The following RXRA variants were observed in gnomAD, a reference collection of about 807,000 sequenced individuals.
The protein encoded by RXRA is retinoic acid receptor RXR-alpha.
RXRA carries 5 observed loss-of-function variants against 44.5 expected under a neutral mutation model. The observed-to-expected ratio is 0.11, with a 90% CI of 0.06 to 0.24. The LOEUF (loss-of-function observed/expected upper bound fraction) is 0.24. RXRA is among the 10% of genes least tolerant of loss of function. RXRA has a pLI of 1.00. For synonymous variants in RXRA, 291 were observed against 271.4 expected, an observed-to-expected ratio of 1.07 and a Z score of -0.71; for missense variants, 412 against 646.5, an observed-to-expected ratio of 0.64 and a Z score of 3.93.
chr9:134,346,575 AG>A (rs1178413798), intron 1 of RXRA, among the ~76,000 whole-genome samples: 1 of 152,190 alleles, frequency 6.6e-6, no homozygotes. Flanking sequence ...TCTGGGGACT[AG>A]GGGTGCCCAG....
intron 9 of RXRA, among the ~76,000 whole-genome samples, chr9:134,435,489 C>T (rs570893025): frequency 5.9e-5 from 9 of 151,920 alleles, no homozygotes; most frequent in Non-Finnish European, 1.2e-4. Flanking sequence ...CCAGCCTTCT[C>T]TGACCATGCT....
intron 1 of RXRA, among the ~76,000 whole-genome samples, chr9:134,339,151 G>T (rs1303054752): frequency 1.3e-5 from 2 of 152,220 alleles, no homozygotes; most frequent in African/African-American, 4.8e-5. Flanking sequence ...GCCTCCCTGT[G>T]CCCTGTCCGT....
In RXRA at chr9:134,401,894, G is replaced by A. The variant is rs539540151; in HGVS notation, c.279+12G>A. 5.0e-6 allele frequency: 8 copies of A among 1,592,010 alleles called. No individual in the cohort carries two copies. In the East Asian group the frequency reaches 1.6e-4, roughly 31 times the overall value. ...CTGGCAGCCCCCAGGTGAGTGCGGG[G>A]CTGGGGCAAGGGGAGGGGGTGGGGC... is the stretch of plus-strand genomic sequence containing the variant. On this transcript the variant is annotated intron_variant, in intron 2 of 9. Transcript: ENST00000481739.
intron 7 of RXRA, 68 bp downstream of exon 7, chr9:134,429,308 C>T (rs2119203807): frequency 1.3e-6 from 2 of 1,536,172 alleles, no homozygotes; most frequent in Non-Finnish European, 1.8e-6. Flanking sequence ...CTGAGTTCAG[C>T]CACCTTGGCC....
intron 1 of RXRA, among the ~76,000 whole-genome samples, chr9:134,347,111 AG>A (rs1830162313): frequency 8.7e-6 from 1 of 114,904 alleles, no homozygotes. Context: ...GTCCCTGTGG[AG>A]GTGACGGGCA....
At chr9:134,413,598 C>T (rs1831186872) in intron 4 of RXRA, among the ~76,000 whole-genome samples, 1 of 152,182 alleles carries the variant, frequency 6.6e-6, no homozygotes, top group Non-Finnish European at 1.5e-5. Flanking sequence ...CTGGGCTGCA[C>T]AAGGGACGGA....
chr9:134,354,735 G>A (rs1475401064), intron 1 of RXRA, among the ~76,000 whole-genome samples: 3 of 152,254 alleles, frequency 2.0e-5, no homozygotes, highest in Admixed American at 2.0e-4. Context: ...TTCAGAGGCC[G>A]TGTTGTTGCT....
Position 134,440,115 on chromosome 9 carries a change from A to G in RXRA, c.*3501A>G, listed in dbSNP as rs1831707058. 1 of 152,340 alleles carries G rather than the reference A, an allele frequency of 6.6e-6. No individual in the cohort carries two copies. Among genetic ancestry groups the G allele is most frequent in the Non-Finnish European group, 1.5e-5 (1 of 68,034 alleles). 9.4% of individuals were successfully genotyped at this position (152,340 alleles called of 1,614,324 possible). ...GTAAAAAAAAAAAATCTATTTTTGT[A>G]CAAATGTAATTTTATCCCTCATGTA... On this transcript the variant is annotated 3_prime_UTR_variant, in exon 10 of 10. Transcript: ENST00000481739.
Position 134,426,542 on chromosome 9 carries a change from T to C in RXRA, c.911-2566T>C. The C allele has an allele frequency of 1.0e-6, 1 of 985,450 alleles. No individual in the cohort carries two copies. Among genetic ancestry groups the C allele is most frequent in the Non-Finnish European group, 1.2e-6 (1 of 829,932 alleles). The allele number at this position is 985,450 out of a possible 1,614,324, so 61.0% of individuals were successfully genotyped here. The stretch of plus-strand genomic sequence containing the variant: ...GACTCCGCACTGTTCTGTCCGTGTG[T>C]CTGGGCTCCTGACCTGTATCCCGTG... On this transcript the variant is annotated intron_variant, in intron 6 of 9. Transcript: ENST00000481739. This position sits in a 1 kb window ranked among gnomAD's most constrained non-coding sequence, Gnocchi z 4.6.
intron 1 of RXRA, among the ~76,000 whole-genome samples, chr9:134,368,986 T>A (rs1384693060): frequency 1.8e-5 from 2 of 108,786 alleles, no homozygotes; most frequent in Non-Finnish European, 3.5e-5. Flanking sequence ...TATGTGTGTG[T>A]GAGTGCGGGG....
At chr9:134,420,471 C>T (rs996561558) in intron 5 of RXRA, among the ~76,000 whole-genome samples, 11 of 152,316 alleles carry the variant, frequency 7.2e-5, no homozygotes, top group African/African-American at 9.6e-5. Context: ...CCTTCTGGCT[C>T]GGGCCCCCAA....
At chr9:134,419,026 TCTGG>T (rs1383095794) in intron 5 of RXRA, among the ~76,000 whole-genome samples, 1 of 152,154 alleles carries the variant, frequency 6.6e-6, no homozygotes, top group Non-Finnish European at 1.5e-5. Flanking sequence ...AGACCTCTAC[TCTGG>T]CTGGGGGCTG....
chr9:134,381,338 C>G (rs773470049), intron 1 of RXRA, among the ~76,000 whole-genome samples: 1 of 152,100 alleles, frequency 6.6e-6, no homozygotes, highest in Non-Finnish European at 1.5e-5. Context: ...GAGCTCAGAC[C>G]TTAGCTAGTG....
chr9:134,379,567 G>C (rs1830610463), intron 1 of RXRA: 1 of 985,524 alleles, frequency 1.0e-6, no homozygotes, highest in East Asian at 1.1e-4. Flanking sequence ...CTCATGGGGG[G>C]CTTGCTCCAG....
chr9:134,346,271 C>A (rs565549589), intron 1 of RXRA, among the ~76,000 whole-genome samples: 1 of 152,184 alleles, frequency 6.6e-6, no homozygotes. Context: ...CCTGCCCTCC[C>A]GCGGCTTGCT....
At chr9:134,400,531 G>A (rs995399662) in intron 1 of RXRA, among the ~76,000 whole-genome samples, 2 of 152,224 alleles carry the variant, frequency 1.3e-5, no homozygotes, top group African/African-American at 2.4e-5. Flanking sequence ...TAGGGTGGGG[G>A]CAGGCAGGCA....
In RXRA at chr9:134,421,744, C is replaced by A; in HGVS notation, c.849C>A (p.Ala283=). The A allele has an allele frequency of 1.2e-6, 2 of 1,600,358 alleles. No individual in the cohort carries two copies. Among genetic ancestry groups the A allele is most frequent in the South Asian group, 1.1e-5 (1 of 90,324 alleles). ...DKQLFTLVEW[A]KRIPHFSELP... ...AGCTTTTCACCCTGGTGGAGTGGGC[C>A]AAGCGGATCCCACACTTCTCAGAGC... The change falls in exon 6 of 10, where the codon GCC becomes GCA. Residue 283 remains alanine, a synonymous_variant. Transcript: ENST00000481739.
chr9:134,410,264 C>G (rs1831126708), intron 4 of RXRA, among the ~76,000 whole-genome samples: 1 of 152,194 alleles, frequency 6.6e-6, no homozygotes, highest in African/African-American at 2.4e-5. Flanking sequence ...TGTGGCCATG[C>G]CCAGTGCTGC....
intron 1 of RXRA, among the ~76,000 whole-genome samples, chr9:134,335,426 A>G (rs1471612482): frequency 1.3e-5 from 2 of 152,162 alleles, no homozygotes; most frequent in Non-Finnish European, 2.9e-5. Context: ...GAATGGATGG[A>G]TTCTTTCCAG....
Sources: gnomAD v4.1 joint callset for allele counts (sites outside exome capture counted in the v4.1 genomes callset) on GRCh38, gnomAD v4.1.1 for gene constraint, Gnocchi (gnomAD v3.1) non-coding constraint, MANE v1.5 for transcripts, NCBI Gene and HGNC (gene_info 2026-07-23, HGNC 2026-07-21) for gene names.